CDH4: variants seen among roughly 807,000 people sequenced by gnomAD.
The protein encoded by CDH4 is cadherin 4.
CDH4 carries 33 observed loss-of-function variants against 86.0 expected under a neutral mutation model. That is an observed-to-expected ratio of 0.38 (90% confidence interval 0.29 to 0.51). CDH4 has a LOEUF of 0.51. Ranked by LOEUF, CDH4 falls within the 20% of genes least tolerant of loss-of-function variation. The pLI is 0.86. For missense variants in CDH4, 1,114 were observed against 1,307.4 expected (o/e 0.85, Z 2.28); for synonymous variants, 555 against 549.4 (o/e 1.01, Z -0.14).
chr20:61,919,629 CCTCT>C (rs1484862470), intron 9 of CDH4, among the ~76,000 whole-genome samples: 1 of 152,262 alleles, frequency 6.6e-6, no homozygotes, highest in Non-Finnish European at 1.5e-5. Flanking sequence ...CAGATAAGTT[CCTCT>C]CTAAGTGGAA....
In CDH4 at chr20:61,556,869, A is replaced by G. The variant is rs560195704; in HGVS notation, c.170-186694A>G. Among the ~76,000 whole-genome samples, 4 of 152,134 alleles carry G rather than the reference A, an allele frequency of 2.6e-5. No individual in the cohort carries two copies. The East Asian group carries it at 7.8e-4, about 30-fold the overall frequency. ...GTCCTCCGACCACAACTCCGGGGCA[A>G]CAACACCGAGAACACGTGAGGCGCC... On this transcript the variant is annotated intron_variant, in intron 2 of 15. Coordinates refer to ENST00000614565, the MANE Select transcript of CDH4 (RefSeq NM_001794.5).
At chr20:61,766,065 T>C (rs1366542692) in intron 3 of CDH4, among the ~76,000 whole-genome samples, 1 of 151,872 alleles carries the variant, frequency 6.6e-6, no homozygotes, top group Non-Finnish European at 1.5e-5. Flanking sequence ...AGGACCCCAC[T>C]AGGCCACCCA....
chr20:61,666,522 T>G (rs1004438138), intron 2 of CDH4, among the ~76,000 whole-genome samples: 8 of 152,198 alleles, frequency 5.3e-5, no homozygotes, highest in Non-Finnish European at 1.0e-4. Flanking sequence ...GGGAGGATGA[T>G]GGCATGGCTG....
At chr20:61,301,240 G>A (rs1280082606) in intron 2 of CDH4, among the ~76,000 whole-genome samples, 4 of 152,234 alleles carry the variant, frequency 2.6e-5, no homozygotes, top group Non-Finnish European at 4.4e-5. Context: ...CAATGGATGC[G>A]GTAAATGCCT....
At chr20:61,339,182 A>T (rs574772205) in intron 2 of CDH4, among the ~76,000 whole-genome samples, 1 of 152,304 alleles carries the variant, frequency 6.6e-6, no homozygotes, top group Admixed American at 6.5e-5. Flanking sequence ...CAAACACTAT[A>T]TTTTATTTTT....
chr20:61,520,219 G>C (rs1339514785), intron 2 of CDH4, among the ~76,000 whole-genome samples: 1 of 152,212 alleles, frequency 6.6e-6, no homozygotes, highest in Non-Finnish European at 1.5e-5. Context: ...AGTAGTACCT[G>C]CATCTGAGAT....
chr20:61,348,285 C>A (rs1057461746), intron 2 of CDH4, among the ~76,000 whole-genome samples: 4 of 152,080 alleles, frequency 2.6e-5, no homozygotes, highest in African/African-American at 9.7e-5. Context: ...CAGGGGACTC[C>A]CCTTTATCAA....
At chr20:61,720,469 G>A (rs1046579366) in intron 2 of CDH4, among the ~76,000 whole-genome samples, 2 of 149,730 alleles carry the variant, frequency 1.3e-5, no homozygotes, top group Non-Finnish European at 3.0e-5. Flanking sequence ...GGGGTGAAGG[G>A]GTGGAGAATG....
At chr20:61,641,396 G>A (rs2087007940) in intron 2 of CDH4, among the ~76,000 whole-genome samples, 4 of 116,062 alleles carry the variant, frequency 3.4e-5, no homozygotes, top group Non-Finnish European at 7.0e-5. Flanking sequence ...ACAGCCCACC[G>A]GCCCCTTCTC....
intron 3 of CDH4, among the ~76,000 whole-genome samples, chr20:61,748,161 C>T (rs1164196403): frequency 6.6e-6 from 1 of 152,184 alleles, no homozygotes; most frequent in East Asian, 1.9e-4. Context: ...GAGACAGAGT[C>T]TCGCTCTGTT....
intron 2 of CDH4, among the ~76,000 whole-genome samples, chr20:61,722,830 C>G (rs974520205): frequency 6.6e-6 from 1 of 152,196 alleles, no homozygotes; most frequent in African/African-American, 2.4e-5. Context: ...CACCTCCCCT[C>G]TAGGACTTCT....
chr20:61,834,040 A>G (rs1263164583), intron 4 of CDH4, among the ~76,000 whole-genome samples: 4 of 152,056 alleles, frequency 2.6e-5, no homozygotes, highest in Non-Finnish European at 5.9e-5. Context: ...AGGGAGGTGC[A>G]CTCTCATTGG....
intron 2 of CDH4, chr20:61,570,583 C>G (rs1010538150): frequency 1.4e-6 from 1 of 689,682 alleles, no homozygotes; most frequent in African/African-American, 1.8e-5. Flanking sequence ...TCCTTTACCC[C>G]ATTGCTCTGC....
At chr20:61,704,309 A>G (rs559439132) in intron 2 of CDH4, among the ~76,000 whole-genome samples, 5 of 152,218 alleles carry the variant, frequency 3.3e-5, no homozygotes, top group African/African-American at 9.6e-5. Context: ...CCACTCTGAC[A>G]TTCTCAGAAT....
In CDH4 at chr20:61,264,889, C is replaced by G. The variant is rs193081146; in HGVS notation, c.169+9952C>G. Among the ~76,000 whole-genome samples the G allele has an allele frequency of 3.9e-3, 509 of 131,780 alleles. 4 individuals carry two copies. Among genetic ancestry groups the G allele is most frequent in the African/African-American group, 0.014 (470 of 33,974 alleles). 86.5% of individuals were successfully genotyped at this position (131,780 alleles called of 152,430 possible). A position where few individuals can be genotyped will look rare whatever the true frequency, so the allele number is the denominator to read the frequency against. ...TTCTTCATTCAGTCCTACACATACC[C>G]CAGTGGCTCCTTCATTCAGTCCTAC... On this transcript the variant is annotated intron_variant, in intron 2 of 15. Transcript: ENST00000614565.
intron 7 of CDH4, among the ~76,000 whole-genome samples, chr20:61,885,879 C>T (rs913428938): frequency 9.9e-5 from 15 of 152,196 alleles, no homozygotes; most frequent in Non-Finnish European, 1.5e-5. Flanking sequence ...ATGGAGGTTC[C>T]AGCAGTGACA....
chr20:61,792,997 C>T (rs1422206855), intron 4 of CDH4, among the ~76,000 whole-genome samples: 1 of 150,382 alleles, frequency 6.6e-6, no homozygotes, highest in African/African-American at 2.4e-5. Flanking sequence ...GAGTTTCACT[C>T]TGTTGCCCAG....
intron 4 of CDH4, among the ~76,000 whole-genome samples, chr20:61,795,467 A>G (rs1979489055): frequency 6.6e-6 from 1 of 152,158 alleles, no homozygotes; most frequent in African/African-American, 2.4e-5. Flanking sequence ...AAGTCACATC[A>G]TGGTGGCGTA....
intron 5 of CDH4, 79 bp downstream of exon 5, chr20:61,844,902 G>T: frequency 7.1e-7 from 1 of 1,410,650 alleles, no homozygotes; most frequent in South Asian, 1.4e-5. Context: ...GGTGCCCCCA[G>T]CAGGGCCATG....
Sources: gnomAD v4.1 joint callset for allele counts (sites outside exome capture counted in the v4.1 genomes callset) on GRCh38, gnomAD v4.1.1 for gene constraint, MANE v1.5 for transcripts, NCBI Gene and HGNC (gene_info 2026-07-23, HGNC 2026-07-21) for gene names.